Variants in MED20 observed in about 807,000 individuals in gnomAD.
MED20 encodes the protein mediator complex subunit 20.
MED20 carries 19 observed loss-of-function variants against 19.7 expected under a neutral mutation model. The ratio of observed to expected loss-of-function variants is 0.96; its 90% confidence interval spans 0.67 to 1.42. MED20 has a LOEUF of 1.42. MED20 is among the 40% of genes most tolerant of loss of function. The probability of loss-of-function intolerance (pLI) is 0.00; values close to 1 mark genes in which losing one functional copy is unlikely to be tolerated. For synonymous variants in MED20, 105 were observed against 104.8 expected (o/e 1.00, Z -0.01); for missense variants, 225 against 273.0 (o/e 0.82, Z 1.24).
At chr6:41,909,212 C>G (rs997466264) in intron 3 of MED20, 57 bp downstream of exon 3, 1 of 1,562,674 alleles carries the variant, frequency 6.4e-7, no homozygotes, top group Non-Finnish European at 8.7e-7. Context: ...ATCTTCAGAG[C>G]CCTTTGCTAA....
At chr6:41,918,675 C>T (rs140085741) in intron 1 of MED20, among the ~76,000 whole-genome samples, 2,670 of 151,092 alleles carry the variant, frequency 0.018, 49 homozygotes, top group African/African-American at 0.055. Context: ...TGGCCGGGCG[C>T]GGTGGCTCAC....
At chr6:41,912,399 C>T (rs1775220316) in intron 2 of MED20, among the ~76,000 whole-genome samples, 1 of 139,738 alleles carries the variant, frequency 7.2e-6, no homozygotes, top group African/African-American at 2.7e-5. Flanking sequence ...CTCTGTTGTC[C>T]AGGCTGGAGT....
rs1476214753 is a variant in MED20, at chr6:41,906,898, A to T, written c.*174T>A. The T allele has an allele frequency of 4.9e-6, 3 of 606,984 alleles. No homozygotes were observed. Among genetic ancestry groups the T allele is most frequent in the Non-Finnish European group, 5.8e-6 (2 of 345,166 alleles). 37.6% of individuals were successfully genotyped at this position (606,984 alleles called of 1,614,324 possible). ...TGATGGGGGGCTATGTGTGAGAGTCAGGGGGTTGGGGAGGGGACTCAGCCC... is the reference window on the plus strand; with the variant it reads ...TGATGGGGGGCTATGTGTGAGAGTCTGGGGGTTGGGGAGGGGACTCAGCCC... On this transcript the variant is annotated 3_prime_UTR_variant, in exon 4 of 4. Transcript: ENST00000265350.
chr6:41,909,343 A>G lies in MED20; in HGVS notation c.349T>C (p.Tyr117His). Reference sequence around the variant, plus strand: ...TTCACCAGGAAGTCACAGTACTGGTACCTGGTGCCCCGGGTCTCAATCTTG... The same window carrying G: ...TTCACCAGGAAGTCACAGTACTGGTGCCTGGTGCCCCGGGTCTCAATCTTG... ...ASKIETRGTR[Y>H]QYCDFLVKVG... Residue 117 changes from tyrosine to histidine, a missense_variant, in exon 3 of 4, where the codon TAC becomes CAC. Physicochemically the swap from Tyr to His is moderately conservative, Grantham distance 83. Coordinates refer to ENST00000265350, the MANE Select transcript of MED20 (RefSeq NM_004275.5). 6.2e-7 allele frequency: 1 copy of G among 1,614,146 alleles called. No individual in the cohort carries two copies.
intron 1 of MED20, among the ~76,000 whole-genome samples, chr6:41,920,363 C>A (rs1775428680): frequency 6.6e-6 from 1 of 152,018 alleles, no homozygotes; most frequent in African/African-American, 2.4e-5. Context: ...GAAGAGCAGG[C>A]GAAAATCTTA....
chr6:41,916,554 T>C (rs1042597866), intron 2 of MED20, among the ~76,000 whole-genome samples: 1 of 152,122 alleles, frequency 6.6e-6, no homozygotes, highest in African/African-American at 2.4e-5. Context: ...CACTCCAGCC[T>C]GGGCAACAAG....
At chr6:41,907,983 T>C (rs368568389) in intron 3 of MED20, among the ~76,000 whole-genome samples, 19 of 152,074 alleles carry the variant, frequency 1.2e-4, no homozygotes, top group African/African-American at 4.1e-4. Flanking sequence ...AAATCCAAGG[T>C]CTATCACAAG....
At chr6:41,909,208 A>C in intron 3 of MED20, 61 bp downstream of exon 3, 1 of 1,550,174 alleles carries the variant, frequency 6.5e-7, no homozygotes. Context: ...GAAAATCTTC[A>C]GAGCCCTTTG....
intron 2 of MED20, among the ~76,000 whole-genome samples, chr6:41,915,970 G>A (rs189133160): frequency 6.6e-6 from 1 of 152,234 alleles, no homozygotes; most frequent in Non-Finnish European, 1.5e-5. Context: ...GCTTTAGCCA[G>A]GAGTGGTGGC....
intron 2 of MED20, chr6:41,913,107 CAAAAAAA>C: frequency 1.2e-5 from 1 of 82,420 alleles, no homozygotes; most frequent in Non-Finnish European, 2.5e-5. Flanking sequence ...GACCCTGTCT[CAAAAAAA>C]AAAAAAAAAA....
At position 41,906,998 on chromosome 6, in the gene MED20, G is replaced by T; in HGVS notation, c.*74C>A. 1 of 1,391,712 alleles carries T rather than the reference G, an allele frequency of 7.2e-7. No individual in the cohort carries two copies. Among genetic ancestry groups the T allele is most frequent in the Non-Finnish European group, 1.0e-6 (1 of 993,740 alleles). 86.2% of individuals were successfully genotyped at this position (1,391,712 alleles called of 1,614,324 possible). On this transcript the variant is annotated 3_prime_UTR_variant, in exon 4 of 4. Transcript: ENST00000265350. ...TCTACCCTGGGTTTCTGGGGTCCAG[G>T]GACCTGAAAGTCAGCACCTGCTCCT...
intron 2 of MED20, among the ~76,000 whole-genome samples, 197 bp downstream of exon 2, chr6:41,916,588 T>A (rs548262514): frequency 5.9e-5 from 9 of 151,754 alleles, no homozygotes; most frequent in African/African-American, 1.9e-4. Flanking sequence ...CTCAAAAAAA[T>A]AAAATAAAAT....
At chr6:41,917,435 G>GTAGT (rs369933181) in intron 1 of MED20, 65 of 192,364 alleles carry the variant, frequency 3.4e-4, no homozygotes, top group African/African-American at 1.4e-3. Context: ...GTCAAGTGCA[G>GTAGT]TAGTTAGAGT....
Position 41,907,056 on chromosome 6 carries a change from T to C in MED20, c.*16A>G. On this transcript the variant is annotated 3_prime_UTR_variant, in exon 4 of 4. Coordinates refer to ENST00000265350, the MANE Select transcript of MED20 (RefSeq NM_004275.5). ...AGTACCCCTGGTGACAGAGCTCAGC[T>C]GGCAGCTGCTCATCACTAACGAATC... 1 of 1,611,168 alleles carries C rather than the reference T, an allele frequency of 6.2e-7. No individual in the cohort carries two copies. The highest frequency in any genetic ancestry group is 8.5e-7 in the Non-Finnish European group (1 of 1,178,634).
In MED20 at chr6:41,909,344, C is replaced by G. The variant is rs777710218; in HGVS notation, c.348G>C (p.Arg116Ser). 5.0e-6 allele frequency: 8 copies of G among 1,614,162 alleles called. No homozygotes were observed. The highest frequency in any genetic ancestry group is 6.8e-6 in the Non-Finnish European group (8 of 1,180,046). The change falls in exon 3 of 4, where the codon AGG (arginine) becomes AGC (serine). Residue 116 changes from arginine to serine, a missense_variant. Coordinates refer to ENST00000265350, the MANE Select transcript of MED20 (RefSeq NM_004275.5). ...KASKIETRGT[R>S]YQYCDFLVKV... The stretch of plus-strand genomic sequence containing the variant: ...TCACCAGGAAGTCACAGTACTGGTA[C>G]CTGGTGCCCCGGGTCTCAATCTTGC...
chr6:41,912,663 C>A (rs181914191), intron 2 of MED20, among the ~76,000 whole-genome samples: 1 of 151,992 alleles, frequency 6.6e-6, no homozygotes, highest in Non-Finnish European at 1.5e-5. Context: ...AGACGACAAT[C>A]GTATTTTCTA....
Position 41,909,460 on chromosome 6 carries a change from G to C in MED20, c.232C>G (p.Leu78Val), listed in dbSNP as rs1434903571. 1 of 1,614,246 alleles carries C rather than the reference G, an allele frequency of 6.2e-7. No individual in the cohort carries two copies. Among genetic ancestry groups the C allele is most frequent in the Non-Finnish European group, 8.5e-7 (1 of 1,180,048 alleles). The change falls in exon 3 of 4, where the codon CTC (leucine) becomes GTC (valine). Residue 78 changes from leucine (L) to valine (V), a missense_variant. By Grantham distance (32) the Leu-to-Val change is conservative. Coordinates refer to ENST00000265350, the MANE Select transcript of MED20 (RefSeq NM_004275.5). ...NSEYPLSCFA[L>V]FENGPCLIAD... ...ATAAGGCAAGGGCCATTCTCAAAGA[G>C]GGCGAAACAGCTCAATGGGTACTCT...
Position 41,906,991 on chromosome 6 carries a change from G to A in MED20, c.*81C>T. 7.7e-7 allele frequency: 1 copy of A among 1,302,478 alleles called. No homozygotes were observed. Among genetic ancestry groups the A allele is most frequent in the South Asian group, 1.3e-5 (1 of 78,424 alleles). The allele number at this position is 1,302,478 out of a possible 1,614,324, so 80.7% of individuals were successfully genotyped here. ...GTCCATGTCTACCCTGGGTTTCTGGGGTCCAGGGACCTGAAAGTCAGCACC... is the reference window on the plus strand; with the variant it reads ...GTCCATGTCTACCCTGGGTTTCTGGAGTCCAGGGACCTGAAAGTCAGCACC... On this transcript the variant is annotated 3_prime_UTR_variant, in exon 4 of 4. Coordinates refer to ENST00000265350, the MANE Select transcript of MED20 (RefSeq NM_004275.5).
intron 1 of MED20, among the ~76,000 whole-genome samples, chr6:41,920,487 T>C (rs974335543): frequency 2.6e-5 from 4 of 152,310 alleles, no homozygotes; most frequent in Non-Finnish European, 5.9e-5. Flanking sequence ...GGCAGTACTA[T>C]GGCCTCACGG....
Sources: gnomAD v4.1 joint callset for allele counts (sites outside exome capture counted in the v4.1 genomes callset) on GRCh38, gnomAD v4.1.1 for gene constraint, MANE v1.5 for transcripts, NCBI Gene and HGNC (gene_info 2026-07-23, HGNC 2026-07-21) for gene names.